Variants in CDC42SE2 observed in about 807,000 individuals in gnomAD.
CDC42SE2 encodes the protein CDC42 small effector protein 2.
Under a neutral mutation model 11.5 loss-of-function variants are expected in CDC42SE2, and 3 were observed. That is an observed-to-expected ratio of 0.26 (90% CI 0.12 to 0.67). CDC42SE2 has a LOEUF of 0.67. CDC42SE2 is among the 30% of genes least tolerant of loss of function. The pLI, the probability that CDC42SE2 is intolerant of heterozygous loss-of-function variation, is 0.80. For missense variants in CDC42SE2, 82 were observed against 106.8 expected (o/e 0.77, Z 1.02); for synonymous variants, 33 against 34.8 (o/e 0.95, Z 0.18).
intron 1 of CDC42SE2, among the ~76,000 whole-genome samples, chr5:131,309,457 T>C (rs1230417589): frequency 6.6e-6 from 1 of 152,132 alleles, no homozygotes; most frequent in Middle Eastern, 3.2e-3. Flanking sequence ...GATGCTGGCC[T>C]CATAAAATGA....
intron 1 of CDC42SE2, among the ~76,000 whole-genome samples, chr5:131,274,474 G>A (rs1757059891): frequency 6.6e-6 from 1 of 152,174 alleles, no homozygotes; most frequent in Admixed American, 6.5e-5. Flanking sequence ...ACCTCTGTAA[G>A]CAACCATCGT....
intron 1 of CDC42SE2, among the ~76,000 whole-genome samples, chr5:131,293,001 TAG>T (rs541572838): frequency 2.7e-5 from 4 of 149,706 alleles, no homozygotes; most frequent in Non-Finnish European, 5.9e-5. Flanking sequence ...AATGAACAGA[TAG>T]AGATATTTTG....
At chr5:131,322,897 A>G (rs1484305607) in intron 2 of CDC42SE2, among the ~76,000 whole-genome samples, 1 of 152,222 alleles carries the variant, frequency 6.6e-6, no homozygotes, top group Non-Finnish European at 1.5e-5. Flanking sequence ...ATTTTACGGT[A>G]TCACCAACAG....
At chr5:131,278,049 AG>A (rs1436207344) in intron 1 of CDC42SE2, among the ~76,000 whole-genome samples, 1 of 152,092 alleles carries the variant, frequency 6.6e-6, no homozygotes, top group Non-Finnish European at 1.5e-5. Flanking sequence ...GCTGGAGTTC[AG>A]TGGCATGATC....
chr5:131,313,143 C>G (rs191250196), intron 1 of CDC42SE2, among the ~76,000 whole-genome samples: 2 of 151,946 alleles, frequency 1.3e-5, no homozygotes, highest in Admixed American at 1.3e-4. Flanking sequence ...CCACGACGCC[C>G]GGCTGATTTT....
chr5:131,320,489 C>A (rs1227744631), intron 2 of CDC42SE2, among the ~76,000 whole-genome samples: 2 of 151,724 alleles, frequency 1.3e-5, no homozygotes, highest in East Asian at 1.9e-4. Flanking sequence ...TGCCTGTAAT[C>A]CCAGCACTTT....
At chr5:131,303,967 C>CTT (rs565046039) in intron 1 of CDC42SE2, among the ~76,000 whole-genome samples, 39 of 142,900 alleles carry the variant, frequency 2.7e-4, no homozygotes, top group African/African-American at 9.9e-4. Flanking sequence ...AAATAATTTT[C>CTT]TTTTTTTTTT....
intron 3 of CDC42SE2, among the ~76,000 whole-genome samples, chr5:131,364,057 G>A (rs1728848775): frequency 6.6e-6 from 1 of 152,060 alleles, no homozygotes. Context: ...TAACACTCTG[G>A]TATTTCTACA....
At chr5:131,372,754 A>G (rs968364664) in intron 3 of CDC42SE2, among the ~76,000 whole-genome samples, 1 of 151,956 alleles carries the variant, frequency 6.6e-6, no homozygotes, top group Admixed American at 6.6e-5. Flanking sequence ...TTTGAATTCC[A>G]GAGCTGGTAC....
chr5:131,288,705 C>T lies in CDC42SE2; in HGVS notation c.-455+24539C>T, dbSNP rs1757391341. ...AGAGCAAATTAGGGATTTTTAGCTT[C>T]TGGTACCATTTGTTGCTTGCAACAG... On this transcript the variant is annotated intron_variant, in intron 1 of 4. Transcript: ENST00000505065. Among the ~76,000 whole-genome samples the T allele has an allele frequency of 2.0e-5, 3 of 152,152 alleles. 1 individual carries two copies. Among genetic ancestry groups the T allele is most frequent in the Admixed American group, 2.0e-4 (3 of 15,268 alleles).
At position 131,321,432 on chromosome 5, in the gene CDC42SE2, G is replaced by A. The variant is rs141588623; in HGVS notation, c.-286+5288G>A. 2.4e-3 allele frequency among the ~76,000 whole-genome samples: 358 copies of A among 152,204 alleles called. 1 individual carries two copies. Among genetic ancestry groups the A allele is most frequent in the African/African-American group, 8.2e-3 (339 of 41,502 alleles). ...TCCTAGTTATTTGGGAGGCTGATAG[G>A]GAAGGATTGTTTGAACTCAGGAGTT... On this transcript the variant is annotated intron_variant, in intron 2 of 4. Coordinates refer to ENST00000505065, the MANE Select transcript of CDC42SE2 (RefSeq NM_001375635.1).
chr5:131,375,299 C>G (rs905887782), intron 3 of CDC42SE2, among the ~76,000 whole-genome samples: 8 of 148,456 alleles, frequency 5.4e-5, no homozygotes, highest in Non-Finnish European at 1.2e-4. Context: ...CTGCAAAATA[C>G]ATACTGAGTA....
At chr5:131,323,038 T>C (rs569449102) in intron 2 of CDC42SE2, among the ~76,000 whole-genome samples, 1 of 152,280 alleles carries the variant, frequency 6.6e-6, no homozygotes, top group African/African-American at 2.4e-5. Context: ...TTTTTTCTTC[T>C]TTCTTTTGAG....
At chr5:131,321,682 T>G (rs977163628) in intron 2 of CDC42SE2, among the ~76,000 whole-genome samples, 3 of 151,858 alleles carry the variant, frequency 2.0e-5, no homozygotes, top group African/African-American at 7.3e-5. Context: ...GACAACTGGG[T>G]GGGTAGGATA....
upstream of CDC42SE2, among the ~76,000 whole-genome samples, chr5:131,242,966 C>A (rs902033442): frequency 5.9e-5 from 9 of 152,220 alleles, no homozygotes; most frequent in Non-Finnish European, 1.0e-4. Flanking sequence ...CTAGTTCTTA[C>A]AATCATGCAA....
rs565682577 is a variant in CDC42SE2, at chr5:131,318,996, G to A, written c.-286+2852G>A. Among the ~76,000 whole-genome samples the A allele has an allele frequency of 2.6e-5, 4 of 152,216 alleles. No individual in the cohort carries two copies. The East Asian group carries it at 7.7e-4, about 29-fold the overall frequency. On this transcript the variant is annotated intron_variant, in intron 2 of 4. Transcript: ENST00000505065. ...GGCTCATTGCAACCTCCGCCTCCAG[G>A]GTTCAAGCGATTCTCCTGCTTCAGC...
intron 2 of CDC42SE2, among the ~76,000 whole-genome samples, chr5:131,351,090 G>T (rs1580773195): frequency 2.0e-5 from 3 of 151,914 alleles, no homozygotes; most frequent in African/African-American, 7.3e-5. Context: ...GGGACTACAG[G>T]TGTGTGCAAC....
At chr5:131,302,278 C>G (rs1452411896) in intron 1 of CDC42SE2, among the ~76,000 whole-genome samples, 1 of 152,084 alleles carries the variant, frequency 6.6e-6, no homozygotes, top group Non-Finnish European at 1.5e-5. Flanking sequence ...CTCCCGGGTT[C>G]AAGAGATTCT....
At chr5:131,254,277 C>T (rs1756662849) in intron 1 of CDC42SE2, among the ~76,000 whole-genome samples, 1 of 152,140 alleles carries the variant, frequency 6.6e-6, no homozygotes, top group African/African-American at 2.4e-5. Context: ...CACGGTGGCT[C>T]ACTCTTGTAA....
Sources: allele counts gnomAD v4.1 joint callset (sites outside exome capture counted in the v4.1 genomes callset), GRCh38; gene constraint gnomAD v4.1.1; transcripts MANE v1.5; gene names NCBI Gene and HGNC (gene_info 2026-07-23, HGNC 2026-07-21).